RNF220: variants seen among roughly 807,000 people sequenced by gnomAD.
The protein encoded by RNF220 is E3 ubiquitin-protein ligase RNF220.
RNF220 carries 7 observed loss-of-function variants against 67.1 expected under a neutral mutation model. The ratio of observed to expected loss-of-function variants is 0.10; its 90% confidence interval spans 0.06 to 0.20. RNF220 has a LOEUF of 0.20. Ranked by LOEUF, RNF220 falls within the 10% of genes least tolerant of loss-of-function variation. The pLI is 1.00. For synonymous variants in RNF220, 270 were observed against 283.2 expected, an observed-to-expected ratio of 0.95 and a Z score of 0.47; for missense variants, 565 against 740.3, an observed-to-expected ratio of 0.76 and a Z score of 2.75.
chr1:44,524,370 T>C (rs1660191928), intron 2 of RNF220, among the ~76,000 whole-genome samples: 4 of 152,094 alleles, frequency 2.6e-5, no homozygotes, highest in South Asian at 4.1e-4. Flanking sequence ...CTGTGTTTTA[T>C]GGAAGCAGGC....
At chr1:44,573,720 C>CA (rs1315837016) in intron 2 of RNF220, among the ~76,000 whole-genome samples, 1 of 152,218 alleles carries the variant, frequency 6.6e-6, no homozygotes, top group East Asian at 1.9e-4. Context: ...TCCAACAGGA[C>CA]AAAAAACTGA....
chr1:44,581,387 T>C (rs1273012802), intron 2 of RNF220, among the ~76,000 whole-genome samples: 1 of 152,162 alleles, frequency 6.6e-6, no homozygotes, highest in Admixed American at 6.5e-5. Context: ...AGGTGGAGCC[T>C]ACAGGGACCC....
Position 44,508,611 on chromosome 1 carries a change from A to AAGTCAG in RNF220, c.625+95900_625+95905dup, listed in dbSNP as rs567889945. Among the ~76,000 whole-genome samples, 135 of 152,244 alleles carry AAGTCAG rather than the reference A, an allele frequency of 8.9e-4. 1 individual carries two copies. The highest frequency in any genetic ancestry group is 3.4e-3 in the Middle Eastern group (1 of 294). On this transcript the variant is annotated intron_variant, in intron 2 of 14. Transcript: ENST00000361799. ...GCACCACAGAACGTAACACAACCAG[A>AAGTCAG]AGTCAGAGTCAGAGTCCAGTGTGTA...
In RNF220 at chr1:44,411,971, G is replaced by A; in HGVS notation, c.-117-10G>A. On this transcript the variant is annotated splice_polypyrimidine_tract_variant and intron_variant, in intron 1 of 14. Coordinates refer to ENST00000361799, the MANE Select transcript of RNF220 (RefSeq NM_018150.4). ...TCCCCCTTCTTTTTTTCTCTTTGCT[G>A]TTTCTACAGGTCTTAGGAGGGAATG... 1 of 1,013,038 alleles carries A rather than the reference G, an allele frequency of 9.9e-7. No homozygotes were observed. Among genetic ancestry groups the A allele is most frequent in the Non-Finnish European group, 1.4e-6 (1 of 728,916 alleles). 62.8% of individuals were successfully genotyped at this position (1,013,038 alleles called of 1,614,324 possible). A position where few individuals can be genotyped will look rare whatever the true frequency, so the allele number is the denominator to read the frequency against.
At chr1:44,637,238 C>T (rs886431147) in intron 8 of RNF220, among the ~76,000 whole-genome samples, 3 of 152,218 alleles carry the variant, frequency 2.0e-5, no homozygotes, top group Non-Finnish European at 4.4e-5. Flanking sequence ...GGCTAAGAGC[C>T]CAGATGAGAC....
At chr1:44,589,352 C>T (rs556210292) in intron 2 of RNF220, among the ~76,000 whole-genome samples, 29 of 152,270 alleles carry the variant, frequency 1.9e-4, no homozygotes, top group South Asian at 6.2e-4. Flanking sequence ...TGGTGGCTCA[C>T]GCCTGTAATC....
intron 2 of RNF220, among the ~76,000 whole-genome samples, chr1:44,477,314 G>A (rs1655385493): frequency 1.3e-5 from 2 of 152,146 alleles, no homozygotes; most frequent in South Asian, 2.1e-4. Flanking sequence ...AGTAAACATA[G>A]AATTATTTAT....
At chr1:44,631,959 C>A in intron 5 of RNF220, 1 of 993,750 alleles carries the variant, frequency 1.0e-6, no homozygotes, top group Non-Finnish European at 1.2e-6. Context: ...GGCGGCAGAT[C>A]ACGTGATTAG....
At chr1:44,459,004 G>A (rs1653482333) in intron 2 of RNF220, among the ~76,000 whole-genome samples, 2 of 152,126 alleles carry the variant, frequency 1.3e-5, no homozygotes, top group Non-Finnish European at 2.9e-5. Context: ...CCTTGCTCCT[G>A]TTATAACTGT....
At chr1:44,582,046 G>A (rs769537121) in intron 2 of RNF220, among the ~76,000 whole-genome samples, 24 of 152,174 alleles carry the variant, frequency 1.6e-4, no homozygotes, top group Non-Finnish European at 2.4e-4. Flanking sequence ...ACAGCTAAAC[G>A]GAGCTGCTTC....
intron 2 of RNF220, among the ~76,000 whole-genome samples, chr1:44,464,340 G>C (rs1205552603): frequency 6.6e-6 from 1 of 152,198 alleles, no homozygotes; most frequent in Admixed American, 6.5e-5. Flanking sequence ...GCTGCCAGAG[G>C]CATGTTCTTC....
intron 4 of RNF220, 143 bp from the exon 5 acceptor site, chr1:44,626,154 T>C (rs1643932026): frequency 4.6e-6 from 3 of 648,216 alleles, no homozygotes; most frequent in Admixed American, 5.0e-5. Flanking sequence ...ACCCCATGCC[T>C]TTAGAATCTC....
intron 2 of RNF220, among the ~76,000 whole-genome samples, chr1:44,542,461 T>C (rs1661748436): frequency 6.6e-6 from 1 of 152,170 alleles, no homozygotes; most frequent in Non-Finnish European, 1.5e-5. Flanking sequence ...ATAGGGAATT[T>C]AGCAGAAAGT....
chr1:44,584,763 A>C (rs1223102870), intron 2 of RNF220, among the ~76,000 whole-genome samples: 1 of 152,198 alleles, frequency 6.6e-6, no homozygotes, highest in African/African-American at 2.4e-5. Context: ...CAGTGGCGCC[A>C]TCTCAGCTCG....
intron 2 of RNF220, among the ~76,000 whole-genome samples, chr1:44,490,197 G>A (rs1386975565): frequency 1.3e-5 from 2 of 152,150 alleles, no homozygotes; most frequent in African/African-American, 4.8e-5. Flanking sequence ...GCCGGGCGTG[G>A]TGGCTCATGC....
At position 44,412,664 on chromosome 1, in the gene RNF220, C is replaced by T. The variant is rs1648085946; in HGVS notation, c.567C>T (p.Val189=). The T allele has an allele frequency of 6.2e-7, 1 of 1,614,066 alleles. No individual in the cohort carries two copies. Among genetic ancestry groups the T allele is most frequent in the Admixed American group, 1.7e-5 (1 of 60,010 alleles). Residue 189 remains valine, a synonymous_variant, in exon 2 of 15, where the codon GTC becomes GTT. Transcript: ENST00000361799. The surrounding 1 kb of genome is among the most constrained non-coding windows in gnomAD (Gnocchi z 5.3). ...VDDTGKKIFA[V]SGLISDREAS... Reference sequence around the variant, plus strand: ...ACACTGGGAAGAAGATTTTTGCTGTCTCTGGCCTCATTTCTGATCGGGAAG... The same window carrying T: ...ACACTGGGAAGAAGATTTTTGCTGTTTCTGGCCTCATTTCTGATCGGGAAG...
chr1:44,632,300 GCT>G (rs748955348), intron 5 of RNF220, 41 bp from the exon 6 acceptor site: 7 of 1,613,900 alleles, frequency 4.3e-6, no homozygotes, highest in South Asian at 3.3e-5. Context: ...CGCGCCTGAC[GCT>G]CTCTTTTCTT....
rs369054804 is a variant in RNF220, at chr1:44,525,954, G to A, written c.626-88211G>A. 2.4e-3 allele frequency among the ~76,000 whole-genome samples: 358 copies of A among 152,104 alleles called. 2 individuals carry two copies. Among genetic ancestry groups the A allele is most frequent in the African/African-American group, 8.2e-3 (341 of 41,496 alleles). On this transcript the variant is annotated intron_variant, in intron 2 of 14. Transcript: ENST00000361799. ...CCCACTGAATCTGTTTTTGACCTCC[G>A]TTAGACCTTCAGTCCCTGGACCATT...
At chr1:44,513,563 G>A (rs2148131817) in intron 2 of RNF220, among the ~76,000 whole-genome samples, 1 of 152,306 alleles carries the variant, frequency 6.6e-6, no homozygotes, top group East Asian at 1.9e-4. Context: ...TGAGGCGAGG[G>A]CCTTCCAGAC....
Sources: allele counts gnomAD v4.1 joint callset (sites outside exome capture counted in the v4.1 genomes callset), GRCh38; gene constraint gnomAD v4.1.1; non-coding constraint Gnocchi (gnomAD v3.1); transcripts MANE v1.5; gene names NCBI Gene and HGNC (gene_info 2026-07-23, HGNC 2026-07-21).